Variants in MSRA observed in about 807,000 individuals in gnomAD.
MSRA encodes the protein mitochondrial peptide methionine sulfoxide reductase.
Under a neutral mutation model 31.3 loss-of-function variants are expected in MSRA, and 54 were observed. The ratio of observed to expected loss-of-function variants is 1.73; its 90% CI spans 1.39 to 2.17. MSRA has a LOEUF of 2.17. Ranked by LOEUF, MSRA falls within the 30% of genes most tolerant of loss-of-function variation. MSRA has a pLI of 0.00. For synonymous variants in MSRA, 169 were observed against 116.5 expected (o/e 1.45, Z -2.90); for missense variants, 507 against 300.9 (o/e 1.69, Z -5.07).
At chr8:10,414,579 C>A (rs1055080222) in intron 5 of MSRA, among the ~76,000 whole-genome samples, 5 of 152,220 alleles carry the variant, frequency 3.3e-5, no homozygotes, top group Non-Finnish European at 7.3e-5. Flanking sequence ...TGAATTGCTG[C>A]AGTTCTTCTG....
At chr8:10,418,460 G>C (rs1028845622) in intron 5 of MSRA, among the ~76,000 whole-genome samples, 8 of 152,158 alleles carry the variant, frequency 5.3e-5, no homozygotes, top group Non-Finnish European at 1.2e-4. Context: ...GGCAGTTGCA[G>C]TGGTGACTCT....
intron 5 of MSRA, among the ~76,000 whole-genome samples, chr8:10,418,838 A>AAAC (rs1563459639): frequency 8.6e-5 from 6 of 69,422 alleles, no homozygotes; most frequent in African/African-American, 2.2e-4. Flanking sequence ...AAAAAAAAAA[A>AAAC]CCAACAAAAA....
chr8:10,393,302 C>T (rs1468755126), intron 5 of MSRA, among the ~76,000 whole-genome samples: 1 of 152,154 alleles, frequency 6.6e-6, no homozygotes, highest in Non-Finnish European at 1.5e-5. Context: ...GCATGTTTTA[C>T]TGCATTATTC....
At chr8:10,092,116 GTGTT>G (rs896070544) in intron 1 of MSRA, among the ~76,000 whole-genome samples, 4 of 151,948 alleles carry the variant, frequency 2.6e-5, no homozygotes, top group African/African-American at 9.7e-5. Context: ...CTGATATTCT[GTGTT>G]TGTTTTCCTG....
intron 5 of MSRA, among the ~76,000 whole-genome samples, chr8:10,405,361 C>T (rs562361598): frequency 3.7e-4 from 57 of 152,296 alleles, no homozygotes; most frequent in African/African-American, 1.3e-3. Context: ...CAAACCACCA[C>T]CCAGCCAAGA....
intron 1 of MSRA, among the ~76,000 whole-genome samples, chr8:10,181,089 A>G (rs1806494468): frequency 6.6e-6 from 1 of 152,204 alleles, no homozygotes; most frequent in African/African-American, 2.4e-5. Context: ...AGAATGAGAA[A>G]AATTCGTCTA....
intron 1 of MSRA, among the ~76,000 whole-genome samples, chr8:10,165,019 AAAC>A (rs1804996795): frequency 6.6e-6 from 1 of 152,092 alleles, no homozygotes; most frequent in South Asian, 2.1e-4. Flanking sequence ...CAGAGTGAAA[AAAC>A]AACACAAAAA....
chr8:10,168,571 C>A (rs1051889518), intron 1 of MSRA, among the ~76,000 whole-genome samples: 2 of 152,156 alleles, frequency 1.3e-5, no homozygotes, highest in African/African-American at 4.8e-5. Context: ...AACCTAGTAG[C>A]AAAACCCCTA....
intron 1 of MSRA, among the ~76,000 whole-genome samples, chr8:10,083,478 C>T (rs75701504): frequency 0.017 from 2,548 of 152,242 alleles, 42 homozygotes; most frequent in Middle Eastern, 0.048. Flanking sequence ...TTGATATCCA[C>T]GGAAATCTAT....
At chr8:10,158,522 C>T (rs1284764551) in intron 1 of MSRA, among the ~76,000 whole-genome samples, 1 of 152,244 alleles carries the variant, frequency 6.6e-6, no homozygotes, top group Admixed American at 6.5e-5. Context: ...CAGGATTCAT[C>T]TGTGTTGTAG....
At chr8:10,061,594 A>G (rs149815459) in intron 1 of MSRA, among the ~76,000 whole-genome samples, 22 of 152,256 alleles carry the variant, frequency 1.4e-4, no homozygotes, top group Non-Finnish European at 2.5e-4. Flanking sequence ...CTGCCCACCA[A>G]GAACTCACAG....
At chr8:10,385,561 C>A (rs1039205527) in intron 5 of MSRA, among the ~76,000 whole-genome samples, 1 of 151,994 alleles carries the variant, frequency 6.6e-6, no homozygotes, top group African/African-American at 2.4e-5. Flanking sequence ...GTGAGAAGAT[C>A]AGGTCTGTGG....
chr8:10,296,030 G>A (rs531673388), intron 3 of MSRA, among the ~76,000 whole-genome samples: 122 of 152,332 alleles, frequency 8.0e-4, no homozygotes, highest in African/African-American at 2.7e-3. Flanking sequence ...TCTGATTCTA[G>A]ACTGGGTAAT....
intron 1 of MSRA, among the ~76,000 whole-genome samples, chr8:10,124,043 G>C (rs1479076495): frequency 1.3e-5 from 2 of 151,954 alleles, no homozygotes; most frequent in Non-Finnish European, 2.9e-5. Context: ...TTGACCTTGG[G>C]ATTGCAGAGG....
chr8:10,201,242 C>T (rs138121454), intron 1 of MSRA, among the ~76,000 whole-genome samples: 21 of 152,136 alleles, frequency 1.4e-4, no homozygotes, highest in African/African-American at 3.9e-4. Context: ...ACACTTGATA[C>T]GTCAGTCCAG....
chr8:10,266,582 A>C (rs1199538345), intron 3 of MSRA, among the ~76,000 whole-genome samples: 1 of 151,774 alleles, frequency 6.6e-6, no homozygotes, highest in Non-Finnish European at 1.5e-5. Flanking sequence ...AGAACTTCTA[A>C]ATTTTGATGA....
chr8:10,100,916 C>T (rs1308626644), intron 1 of MSRA, among the ~76,000 whole-genome samples: 1 of 152,106 alleles, frequency 6.6e-6, no homozygotes, highest in Non-Finnish European at 1.5e-5. Context: ...GAATTAGTCC[C>T]TCTGGAGTGA....
chr8:10,114,123 G>C (rs749350888), intron 1 of MSRA, among the ~76,000 whole-genome samples: 1 of 152,168 alleles, frequency 6.6e-6, no homozygotes, highest in South Asian at 2.1e-4. Flanking sequence ...GTTCATCTAT[G>C]TTGCAGCATG....
intron 1 of MSRA, among the ~76,000 whole-genome samples, chr8:10,141,441 A>G (rs543842564): frequency 6.6e-6 from 1 of 152,332 alleles, no homozygotes; most frequent in South Asian, 2.1e-4. Flanking sequence ...CACAAGACAT[A>G]CATTGTCACC....
Sources: allele counts gnomAD v4.1 joint callset (sites outside exome capture counted in the v4.1 genomes callset), GRCh38; gene constraint gnomAD v4.1.1; transcripts MANE v1.5; gene names NCBI Gene and HGNC (gene_info 2026-07-23, HGNC 2026-07-21).